Variants in PRKD1 observed in about 807,000 individuals in gnomAD.
The protein encoded by PRKD1 is serine/threonine-protein kinase D1.
PRKD1 carries 63 observed loss-of-function variants against 95.9 expected under a neutral mutation model. That is an observed-to-expected ratio of 0.66 (90% CI 0.54 to 0.81). PRKD1 has a LOEUF of 0.81. Ranked by LOEUF, PRKD1 falls within the 30% of genes least tolerant of loss-of-function variation. The probability of loss-of-function intolerance (pLI) is 0.00; values close to 1 mark genes in which losing one functional copy is unlikely to be tolerated. For synonymous variants in PRKD1, 425 were observed against 423.1 expected, an observed-to-expected ratio of 1.00 and a Z score of -0.05; for missense variants, 1,048 against 1,165.3, an observed-to-expected ratio of 0.90 and a Z score of 1.47.
chr14:29,741,051 TGATGAGAACTTAGGGATACA>T (rs1259758712), intron 1 of PRKD1, among the ~76,000 whole-genome samples: 73 of 152,102 alleles, frequency 4.8e-4, no homozygotes, highest in Non-Finnish European at 1.2e-4. Context: ...GGGAGCTAAA[TGATGAGAACTTAGGGATACA>T]AAGAAAGGAA....
At chr14:29,768,005 T>C (rs951933907) in intron 1 of PRKD1, among the ~76,000 whole-genome samples, 4 of 152,184 alleles carry the variant, frequency 2.6e-5, no homozygotes, top group African/African-American at 9.6e-5. Flanking sequence ...GTGTGTCATT[T>C]TAAAGATAAG....
chr14:29,870,309 T>C (rs865998561), intron 1 of PRKD1, among the ~76,000 whole-genome samples: 3 of 152,132 alleles, frequency 2.0e-5, no homozygotes, highest in Admixed American at 6.5e-5. Context: ...TCAGAATAAA[T>C]TGCATGATAT....
At chr14:29,639,299 G>T (rs959337384) in intron 4 of PRKD1, among the ~76,000 whole-genome samples, 12 of 152,148 alleles carry the variant, frequency 7.9e-5, no homozygotes, top group Non-Finnish European at 1.8e-4. Context: ...ATTTATGAAA[G>T]ACAGAAAATG....
chr14:29,895,185 C>T lies in PRKD1; in HGVS notation c.264+32064G>A, dbSNP rs141380333. On this transcript the variant is annotated intron_variant, in intron 1 of 17. Transcript: ENST00000331968. ...ACCAAAAATTATCTGGGCATGGTGG[C>T]GGACACCTGTAATCTCAGCTACTCA... is the stretch of plus-strand genomic sequence containing the variant. Among the ~76,000 whole-genome samples, 148 of 152,120 alleles carry T rather than the reference C, an allele frequency of 9.7e-4. 3 individuals carry two copies. Among genetic ancestry groups the T allele is most frequent in the African/African-American group, 3.4e-3 (142 of 41,486 alleles).
chr14:29,853,144 T>C (rs975290931), intron 1 of PRKD1, among the ~76,000 whole-genome samples: 1 of 152,164 alleles, frequency 6.6e-6, no homozygotes, highest in Non-Finnish European at 1.5e-5. Context: ...AGACAATGAA[T>C]ATTATTTATA....
chr14:29,861,675 T>TG (rs1487743553), intron 1 of PRKD1, among the ~76,000 whole-genome samples: 1 of 152,148 alleles, frequency 6.6e-6, no homozygotes, highest in East Asian at 1.9e-4. Flanking sequence ...TTTTCTGAGA[T>TG]GGAGTCTTGC....
At chr14:29,733,197 G>A (rs1279429920) in intron 1 of PRKD1, among the ~76,000 whole-genome samples, 1 of 151,290 alleles carries the variant, frequency 6.6e-6, no homozygotes, top group East Asian at 2.0e-4. Flanking sequence ...CCGCCTCCCA[G>A]GTTCAAGCCA....
chr14:29,634,552 C>A lies in PRKD1; in HGVS notation c.1191-11G>T. 6.2e-7 allele frequency: 1 copy of A among 1,613,604 alleles called. No individual in the cohort carries two copies. The highest frequency in any genetic ancestry group is 1.1e-5 in the South Asian group (1 of 91,006). ...TTGCTTGTTGATGGACTTGAGAAGT[C>A]AAAATATTGTAGGGAAAAAATGTTT... On this transcript the variant is annotated splice_polypyrimidine_tract_variant and intron_variant, in intron 7 of 17. Coordinates refer to ENST00000331968, the MANE Select transcript of PRKD1 (RefSeq NM_002742.3).
chr14:29,899,438 G>A lies in PRKD1; in HGVS notation c.264+27811C>T, dbSNP rs370753338. ...GAGGTGCACAGATCACTTAAGGCCC[G>A]GAGTTCAAGAACAGCCTGGTCAACA... On this transcript the variant is annotated intron_variant, in intron 1 of 17. Coordinates refer to ENST00000331968, the MANE Select transcript of PRKD1 (RefSeq NM_002742.3). 1.2e-4 allele frequency among the ~76,000 whole-genome samples: 18 copies of A among 152,148 alleles called. No individual in the cohort carries two copies. In the South Asian group the frequency reaches 1.7e-3, roughly 14 times the overall value.
At chr14:29,616,602 C>T (rs529137402) in intron 13 of PRKD1, among the ~76,000 whole-genome samples, 2 of 152,070 alleles carry the variant, frequency 1.3e-5, no homozygotes, top group Admixed American at 6.5e-5. Context: ...CACTACCAAC[C>T]GACTTAATTT....
At chr14:29,907,805 A>G (rs1894544850) in intron 1 of PRKD1, among the ~76,000 whole-genome samples, 1 of 152,194 alleles carries the variant, frequency 6.6e-6, no homozygotes, top group Non-Finnish European at 1.5e-5. Context: ...AACAAACTGG[A>G]TAAGAATAAA....
At position 29,577,557 on chromosome 14, in the gene PRKD1, T is replaced by C. The variant is rs1278129466; in HGVS notation, c.2521-101A>G. On this transcript the variant is annotated intron_variant, in intron 17 of 17. Coordinates refer to ENST00000331968, the MANE Select transcript of PRKD1 (RefSeq NM_002742.3). The stretch of plus-strand genomic sequence containing the variant: ...TGCAATCTATGAGTTACCCTTCTCC[T>C]TCCACTCTAACAGCGCTGAATCTTT... The C allele has an allele frequency of 2.7e-6, 3 of 1,129,096 alleles. No homozygotes were observed. The African/African-American group carries it at 4.6e-5, about 17-fold the overall frequency. The allele number at this position is 1,129,096 out of a possible 1,614,324, so 69.9% of individuals were successfully genotyped here. A position where few individuals can be genotyped will look rare whatever the true frequency, so the allele number is the denominator to read the frequency against.
intron 2 of PRKD1, among the ~76,000 whole-genome samples, chr14:29,678,915 C>T (rs1428298596): frequency 6.6e-6 from 1 of 152,048 alleles, no homozygotes; most frequent in Non-Finnish European, 1.5e-5. Context: ...AAAATAAATA[C>T]TAAAAACAGG....
chr14:29,700,001 AAAAG>A lies in PRKD1; in HGVS notation c.403+25531_403+25534del, dbSNP rs145948319. On this transcript the variant is annotated intron_variant, in intron 2 of 17. Transcript: ENST00000331968. ...GTTTTATTTAAAAGATTTTAAAACC[AAAAG>A]AAAGAAAGGTATAGTAAGCTCCCAT... Among the ~76,000 whole-genome samples the A allele has an allele frequency of 7.4e-3, 1,128 of 152,250 alleles. 11 individuals are homozygous for A. The highest frequency in any genetic ancestry group is 0.025 in the African/African-American group (1,034 of 41,562).
At chr14:29,638,440 C>G in intron 6 of PRKD1, 49 bp downstream of exon 6, 1 of 1,594,700 alleles carries the variant, frequency 6.3e-7, no homozygotes, top group Non-Finnish European at 8.6e-7. Flanking sequence ...CATCACCACA[C>G]TCTCTAATAT....
Position 29,730,306 on chromosome 14 carries a change from C to T in PRKD1, c.265-4632G>A, listed in dbSNP as rs541175041. On this transcript the variant is annotated intron_variant, in intron 1 of 17. Transcript: ENST00000331968. Reference sequence around the variant, plus strand: ...CATTCAGAGAAGTGCAAATTAAAAACACAATGAGATATTACCTCAACCCTG... The same window carrying T: ...CATTCAGAGAAGTGCAAATTAAAAATACAATGAGATATTACCTCAACCCTG... Among the ~76,000 whole-genome samples, 16 of 152,066 alleles carry T rather than the reference C, an allele frequency of 1.1e-4. No homozygotes were observed. The East Asian group carries it at 2.9e-3, about 28-fold the overall frequency.
At chr14:29,776,833 A>G (rs1386021461) in intron 1 of PRKD1, among the ~76,000 whole-genome samples, 2 of 152,200 alleles carry the variant, frequency 1.3e-5, no homozygotes, top group Non-Finnish European at 2.9e-5. Context: ...ACTCCAAGAC[A>G]CATAATTGTC....
intron 4 of PRKD1, among the ~76,000 whole-genome samples, chr14:29,658,465 TC>T (rs1196449512): frequency 3.3e-5 from 5 of 152,174 alleles, no homozygotes; most frequent in African/African-American, 9.7e-5. Context: ...AAGAAGCATT[TC>T]CTAATCTTAT....
At chr14:29,921,022 C>G (rs1461329505) in intron 1 of PRKD1, among the ~76,000 whole-genome samples, 2 of 152,148 alleles carry the variant, frequency 1.3e-5, no homozygotes, top group African/African-American at 2.4e-5. Context: ...GTCTTGAGAA[C>G]CAGAATTTTG....
Sources: allele counts gnomAD v4.1 joint callset (sites outside exome capture counted in the v4.1 genomes callset), GRCh38; gene constraint gnomAD v4.1.1; transcripts MANE v1.5; gene names NCBI Gene and HGNC (gene_info 2026-07-23, HGNC 2026-07-21).